The following DUSP16 variants were observed in gnomAD, a reference collection of about 807,000 sequenced individuals.
DUSP16 encodes the protein dual specificity phosphatase 16.
DUSP16 carries 21 observed loss-of-function variants against 58.3 expected under a neutral mutation model. The observed-to-expected ratio is 0.36, with a 90% CI of 0.26 to 0.52. The LOEUF is 0.52. Among genes scored for constraint, DUSP16 ranks in the 20% least tolerant of loss-of-function variants. The probability of loss-of-function intolerance (pLI) is 0.94; values close to 1 mark genes in which losing one functional copy is unlikely to be tolerated. For missense variants in DUSP16, 726 were observed against 819.0 expected (o/e 0.89, Z 1.39); for synonymous variants, 320 against 323.8 (o/e 0.99, Z 0.12).
At chr12:12,488,468 T>C (rs950857240) in intron 4 of DUSP16, among the ~76,000 whole-genome samples, 1 of 152,216 alleles carries the variant, frequency 6.6e-6, no homozygotes, top group African/African-American at 2.4e-5. Context: ...AGCCCAGCTA[T>C]AGAATTGCAC....
intron 5 of DUSP16, among the ~76,000 whole-genome samples, chr12:12,481,978 T>C (rs924997944): frequency 1.3e-5 from 2 of 152,246 alleles, no homozygotes; most frequent in African/African-American, 4.8e-5. Flanking sequence ...CTAGCCCCTA[T>C]TACTTGATTA....
At chr12:12,507,157 C>T (rs533541161) in intron 3 of DUSP16, among the ~76,000 whole-genome samples, 21 of 152,282 alleles carry the variant, frequency 1.4e-4, no homozygotes, top group African/African-American at 3.9e-4. Flanking sequence ...TTATATATCA[C>T]AGTATTTTCT....
intron 6 of DUSP16, 86 bp downstream of exon 6, chr12:12,480,137 C>T (rs1943536133): frequency 6.6e-7 from 1 of 1,520,874 alleles, no homozygotes; most frequent in Non-Finnish European, 8.9e-7. Context: ...TCATGATCTG[C>T]TTTAATTTGG....
intron 4 of DUSP16, 21 bp downstream of exon 4, chr12:12,500,498 G>A (rs752063057): frequency 4.4e-6 from 7 of 1,589,698 alleles, no homozygotes; most frequent in Non-Finnish European, 5.1e-6. Flanking sequence ...CAGCAATGAA[G>A]GATATTTTCA....
intron 4 of DUSP16, among the ~76,000 whole-genome samples, chr12:12,492,830 TA>T (rs1286237173): frequency 6.6e-6 from 1 of 152,152 alleles, no homozygotes; most frequent in African/African-American, 2.4e-5. Flanking sequence ...TTTCTTGACC[TA>T]AAGTACTACT....
In DUSP16 at chr12:12,506,930, AAC is replaced by A. The variant is rs1447635549; in HGVS notation, c.368-6250_368-6249del. Among the ~76,000 whole-genome samples the A allele has an allele frequency of 2.0e-5, 3 of 152,356 alleles. No homozygotes were observed. The South Asian group carries it at 6.2e-4, about 32-fold the overall frequency. Reference sequence around the variant, plus strand: ...CTTCTAAGGCATTCCTCATTTAGATAACACCTTCTCCTAATTCAGCCATGAAA... The same window carrying A: ...CTTCTAAGGCATTCCTCATTTAGATAACCTTCTCCTAATTCAGCCATGAAA... On this transcript the variant is annotated intron_variant, in intron 3 of 6. Transcript: ENST00000298573.
chr12:12,480,460 A>C, intron 5 of DUSP16, 114 bp from the exon 6 acceptor site: 28 of 1,168,818 alleles, frequency 2.4e-5, no homozygotes, highest in Non-Finnish European at 3.1e-5. Context: ...CGCAAATCTC[A>C]TCTGTGTATA....
intron 1 of DUSP16, among the ~76,000 whole-genome samples, chr12:12,559,167 A>C (rs1407121394): frequency 6.6e-6 from 1 of 152,222 alleles, no homozygotes; most frequent in East Asian, 1.9e-4. Flanking sequence ...AAAAATTGAC[A>C]TCTGGCTTTG....
At chr12:12,485,674 T>C (rs1592166937) in intron 5 of DUSP16, among the ~76,000 whole-genome samples, 1 of 151,754 alleles carries the variant, frequency 6.6e-6, no homozygotes, top group African/African-American at 2.4e-5. Flanking sequence ...AGAGACAAGG[T>C]TTTGCTATGT....
intron 1 of DUSP16, among the ~76,000 whole-genome samples, chr12:12,543,875 A>G (rs113350156): frequency 0.01 from 1,570 of 152,022 alleles, 37 homozygotes; most frequent in African/African-American, 0.036. Flanking sequence ...TAATACAAAT[A>G]ATTTTCTCCC....
At chr12:12,510,072 A>C (rs1944052780) in intron 3 of DUSP16, among the ~76,000 whole-genome samples, 1 of 152,086 alleles carries the variant, frequency 6.6e-6, no homozygotes, top group African/African-American at 2.4e-5. Context: ...AGGGAAAGAA[A>C]ATTTTTTCTG....
chr12:12,510,112 C>T (rs188223246), intron 3 of DUSP16, among the ~76,000 whole-genome samples: 2 of 152,162 alleles, frequency 1.3e-5, no homozygotes, highest in African/African-American at 4.8e-5. Context: ...GACTCCACAC[C>T]GGTGTGGAGA....
intron 1 of DUSP16, among the ~76,000 whole-genome samples, chr12:12,553,469 G>A (rs763077030): frequency 7.2e-5 from 11 of 152,164 alleles, no homozygotes; most frequent in Non-Finnish European, 1.3e-4. Flanking sequence ...ATATGTAAAA[G>A]CAATTTATAA....
intron 1 of DUSP16, among the ~76,000 whole-genome samples, chr12:12,534,356 G>A (rs1437750611): frequency 6.6e-6 from 1 of 152,178 alleles, no homozygotes; most frequent in East Asian, 1.9e-4. Flanking sequence ...AAAGTGACAG[G>A]CCAAGACCTA....
chr12:12,497,167 G>T (rs1262224608), intron 4 of DUSP16, among the ~76,000 whole-genome samples: 1 of 152,006 alleles, frequency 6.6e-6, no homozygotes, highest in East Asian at 1.9e-4. Flanking sequence ...AGATATACTA[G>T]GTTAAATATG....
At chr12:12,492,644 T>A (rs928621035) in intron 4 of DUSP16, among the ~76,000 whole-genome samples, 1 of 152,030 alleles carries the variant, frequency 6.6e-6, no homozygotes, top group Non-Finnish European at 1.5e-5. Context: ...TTACCCCATA[T>A]CTTTGAAATT....
intron 5 of DUSP16, among the ~76,000 whole-genome samples, chr12:12,485,919 G>A (rs1943674737): frequency 2.0e-5 from 3 of 149,776 alleles, no homozygotes; most frequent in South Asian, 4.2e-4. Context: ...TCAGCCTCCC[G>A]AGCAGCTGGG....
rs1592168331 is a variant in DUSP16, at chr12:12,487,046, T to C, written c.673A>G (p.Lys225Glu). 1 of 1,614,120 alleles carries C rather than the reference T, an allele frequency of 6.2e-7. No individual in the cohort carries two copies. Among genetic ancestry groups the C allele is most frequent in the Non-Finnish European group, 8.5e-7 (1 of 1,179,950 alleles). Residue 225 changes from lysine (K) to glutamate (E), a missense_variant, in exon 5 of 7, where the codon AAA becomes GAA. Physicochemically the swap from Lys to Glu is moderately conservative, Grantham distance 56. Coordinates refer to ENST00000298573, the MANE Select transcript of DUSP16 (RefSeq NM_030640.3). ...FCEKILPWLD[K>E]SVDFIEKAKA... ...TACTTACCAATGAAATCTACTGATT[T>C]GTCCAACCACGGCAAAATTTTCTCA...
chr12:12,536,368 T>C (rs1944462600), intron 1 of DUSP16, among the ~76,000 whole-genome samples: 1 of 152,234 alleles, frequency 6.6e-6, no homozygotes, highest in Non-Finnish European at 1.5e-5. Flanking sequence ...TAAGCTAATG[T>C]AAAGCAAAAT....
Sources: gnomAD v4.1 joint callset for allele counts (sites outside exome capture counted in the v4.1 genomes callset) on GRCh38, gnomAD v4.1.1 for gene constraint, MANE v1.5 for transcripts, NCBI Gene and HGNC (gene_info 2026-07-23, HGNC 2026-07-21) for gene names.